The following NFATC2IP variants were observed in gnomAD, a reference collection of about 807,000 sequenced individuals.
NFATC2IP encodes the protein nuclear factor of activated T cells 2 interacting protein.
In NFATC2IP, 25 loss-of-function variants were observed where a neutral mutation model predicts 40.2. The observed-to-expected ratio is 0.62, with a 90% CI of 0.45 to 0.87. The LOEUF (loss-of-function observed/expected upper bound fraction) is 0.87, where lower values mean the gene tolerates loss of function less well. Among genes scored for constraint, NFATC2IP ranks in the 40% least tolerant of loss-of-function variants. The pLI is 0.00. For missense variants in NFATC2IP, 553 were observed against 555.6 expected, an observed-to-expected ratio of 1.00 and a Z score of 0.05; for synonymous variants, 241 against 236.3, an observed-to-expected ratio of 1.02 and a Z score of -0.18.
rs139149585 is a variant in NFATC2IP at position 28,958,825 on chromosome 16, C to G, written c.955C>G (p.Pro319Ala). The G allele has an allele frequency of 1.2e-6, 2 of 1,614,102 alleles. No homozygotes were observed. Among genetic ancestry groups the G allele is most frequent in the African/African-American group, 2.7e-5 (2 of 75,016 alleles). ...GETELSPTAT[P>A]RTLKLGVADI... ...GACAGAGCTATCACCTACTGCCACT[C>G]CCAGGACCCTAAAGCTCGGAGTGGC... is the stretch of plus-strand genomic sequence containing the variant. The change falls in exon 6 of 8, where the codon CCC (proline) becomes GCC (alanine). Residue 319 changes from proline (P) to alanine (A), a missense_variant. Coordinates refer to ENST00000320805, the MANE Select transcript of NFATC2IP (RefSeq NM_032815.4).
chr16:28,959,427 C>T (rs1043351934), intron 7 of NFATC2IP, among the ~76,000 whole-genome samples: 3 of 152,120 alleles, frequency 2.0e-5, no homozygotes, highest in Non-Finnish European at 4.4e-5. Context: ...TGCTAGTCCC[C>T]GTGCTGAGGA....
chr16:28,954,813 G>A (rs1965003269), intron 3 of NFATC2IP, 131 bp downstream of exon 3: 2 of 603,982 alleles, frequency 3.3e-6, no homozygotes, highest in African/African-American at 3.7e-5. Context: ...TGAGTTTCAT[G>A]TGGGGAATGA....
intron 2 of NFATC2IP, 99 bp downstream of exon 2, chr16:28,952,303 A>G: frequency 6.4e-7 from 1 of 1,568,980 alleles, no homozygotes; most frequent in Non-Finnish European, 8.6e-7. Context: ...CCTGAGGCTC[A>G]AGGGAAGAGC....
At chr16:28,961,285 G>A (rs992706710) in intron 7 of NFATC2IP, among the ~76,000 whole-genome samples, 3 of 144,242 alleles carry the variant, frequency 2.1e-5, no homozygotes, top group Non-Finnish European at 4.5e-5. Flanking sequence ...CTGAGATTGG[G>A]CCACTGCACT....
chr16:28,958,540 C>T (rs762257317), intron 5 of NFATC2IP, 177 bp from the exon 6 acceptor site: 11 of 586,764 alleles, frequency 1.9e-5, no homozygotes, highest in South Asian at 6.4e-5. Context: ...TTGTGTTACT[C>T]GCCTGTACCC....
chr16:28,960,328 C>T (rs1965071943), intron 7 of NFATC2IP, among the ~76,000 whole-genome samples: 1 of 152,188 alleles, frequency 6.6e-6, no homozygotes, highest in African/African-American at 2.4e-5. Context: ...ACACTGTTCT[C>T]TAGCCCCCAC....
At chr16:28,955,436 G>A (rs899044018) in intron 3 of NFATC2IP, among the ~76,000 whole-genome samples, 4 of 152,042 alleles carry the variant, frequency 2.6e-5, no homozygotes, top group Non-Finnish European at 5.9e-5. Context: ...GATATTATTG[G>A]ACATTTTCCT....
chr16:28,952,985 C>T (rs1240763287), intron 2 of NFATC2IP, among the ~76,000 whole-genome samples: 2 of 152,048 alleles, frequency 1.3e-5, no homozygotes, highest in Non-Finnish European at 2.9e-5. Context: ...ATCCGCCCAT[C>T]TTAGCTTCCC....
chr16:28,953,715 C>T (rs750684419), intron 2 of NFATC2IP, among the ~76,000 whole-genome samples: 20 of 151,880 alleles, frequency 1.3e-4, no homozygotes, highest in South Asian at 4.2e-4. Context: ...CCCAGGAGTT[C>T]GAGACCAGCC....
At chr16:28,962,848 G>A (rs995148016) in intron 7 of NFATC2IP, among the ~76,000 whole-genome samples, 1 of 152,154 alleles carries the variant, frequency 6.6e-6, no homozygotes, top group Non-Finnish European at 1.5e-5. Context: ...GTCATCACGT[G>A]TGTTCTCCCC....
rs1406129528 is a variant in NFATC2IP, at chr16:28,951,384, G to A, written c.373G>A (p.Val125Met). The change falls in exon 1 of 8, where the codon GTG becomes ATG. Residue 125 changes from valine (V) to methionine (M), a missense_variant. Transcript: ENST00000320805. The stretch of plus-strand genomic sequence containing the variant: ...TCCGGGGGAGGCGCCGCTGGTTCCG[G>A]TGTACTCGGGGAAGGTGCGCCCGGT... ...LDPGEAPLVP[V>M]YSGKVKSSLR... 2 of 1,402,816 alleles carry A rather than the reference G, an allele frequency of 1.4e-6. No homozygotes were observed. The highest frequency in any genetic ancestry group is 9.2e-7 in the Non-Finnish European group (1 of 1,081,270). 86.9% of individuals were successfully genotyped at this position (1,402,816 alleles called of 1,614,324 possible). A position where few individuals can be genotyped will look rare whatever the true frequency, so the allele number is the denominator to read the frequency against.
intron 1 of NFATC2IP, among the ~76,000 whole-genome samples, chr16:28,951,837 C>G (rs1051047025): frequency 6.6e-6 from 1 of 151,932 alleles, no homozygotes; most frequent in African/African-American, 2.4e-5. Context: ...GTCGTGTGAG[C>G]AATGGGCTGA....
At position 28,951,003 on chromosome 16, in the gene NFATC2IP, A is replaced by G. The variant is rs1395561930; in HGVS notation, c.-9A>G. On this transcript the variant is annotated 5_prime_UTR_variant, in exon 1 of 8. Coordinates refer to ENST00000320805, the MANE Select transcript of NFATC2IP (RefSeq NM_032815.4). ...GGAGGCGGGCGTGTGTTGTGGAGGA[A>G]AGTGTGCCATGGCGGAGCCTGTGGG... is the stretch of plus-strand genomic sequence containing the variant. 1 of 1,497,150 alleles carries G rather than the reference A, an allele frequency of 6.7e-7. No homozygotes were observed. The highest frequency in any genetic ancestry group is 8.9e-7 in the Non-Finnish European group (1 of 1,128,402). The allele number at this position is 1,497,150 out of a possible 1,614,324, so 92.7% of individuals were successfully genotyped here. A position where few individuals can be genotyped will look rare whatever the true frequency, so the allele number is the denominator to read the frequency against.
intron 3 of NFATC2IP, 69 bp downstream of exon 3, chr16:28,954,751 A>T: frequency 1.1e-6 from 1 of 929,036 alleles, no homozygotes; most frequent in Non-Finnish European, 1.7e-6. Context: ...GGAGGCAGGC[A>T]GGACTCTTGG....
chr16:28,958,556 T>A, intron 5 of NFATC2IP, 161 bp from the exon 6 acceptor site: 2 of 647,152 alleles, frequency 3.1e-6, no homozygotes, highest in South Asian at 3.8e-5. Flanking sequence ...TACCCCTTGC[T>A]GACACGATTT....
At chr16:28,956,126 A>G in intron 4 of NFATC2IP, 25 bp from the exon 5 acceptor site, 1 of 1,613,816 alleles carries the variant, frequency 6.2e-7, no homozygotes, top group Non-Finnish European at 8.5e-7. Context: ...ACTCCAGTTG[A>G]CCCAGAGTCC....
At chr16:28,959,716 G>A (rs577336067) in intron 7 of NFATC2IP, among the ~76,000 whole-genome samples, 1 of 151,844 alleles carries the variant, frequency 6.6e-6, no homozygotes, top group South Asian at 2.1e-4. Context: ...TGGGATTACA[G>A]GTGCACGTGC....
chr16:28,954,226 A>G (rs568465326), intron 2 of NFATC2IP, among the ~76,000 whole-genome samples: 5 of 152,206 alleles, frequency 3.3e-5, no homozygotes, highest in African/African-American at 1.2e-4. Context: ...AGGGTTTCTT[A>G]TCATTTTTTA....
At chr16:28,955,615 T>G (rs1965011432) in intron 3 of NFATC2IP, among the ~76,000 whole-genome samples, 1 of 152,144 alleles carries the variant, frequency 6.6e-6, no homozygotes, top group Admixed American at 6.6e-5. Flanking sequence ...TTTACATTTT[T>G]AGAGATAGGG....
Sources: allele counts gnomAD v4.1 joint callset (sites outside exome capture counted in the v4.1 genomes callset), GRCh38; gene constraint gnomAD v4.1.1; transcripts MANE v1.5; gene names NCBI Gene and HGNC (gene_info 2026-07-23, HGNC 2026-07-21).